PRLR: variants seen among roughly 807,000 people sequenced by gnomAD.
PRLR encodes the protein hPRL receptor.
PRLR carries 13 observed loss-of-function variants against 40.2 expected under a neutral mutation model. The observed-to-expected ratio is 0.32, with a 90% CI of 0.21 to 0.51. The LOEUF (loss-of-function observed/expected upper bound fraction) is 0.51, where lower values mean the gene tolerates loss of function less well. Ranked by LOEUF, PRLR falls within the 20% of genes least tolerant of loss-of-function variation. The probability of loss-of-function intolerance (pLI) is 0.97; values close to 1 mark genes in which losing one functional copy is unlikely to be tolerated. For synonymous variants in PRLR, 269 were observed against 278.7 expected (o/e 0.97, Z 0.35); for missense variants, 656 against 747.3 (o/e 0.88, Z 1.42).
In PRLR at chr5:35,150,928, C is replaced by T. The variant is rs530851427; in HGVS notation, c.-105-32806G>A. On this transcript the variant is annotated intron_variant, in intron 1 of 9. Coordinates refer to ENST00000618457, the MANE Select transcript of PRLR (RefSeq NM_000949.7). ...CTGCATTCCCTCCAGGAACAAGCTACTGATAGTTGCTAATAGTAGGCATAT... is the reference window on the plus strand; with the variant it reads ...CTGCATTCCCTCCAGGAACAAGCTATTGATAGTTGCTAATAGTAGGCATAT... Among the ~76,000 whole-genome samples the T allele has an allele frequency of 3.3e-5, 5 of 152,172 alleles. No individual in the cohort carries two copies. In the South Asian group the frequency reaches 1.0e-3, roughly 32 times the overall value.
chr5:35,228,238 A>G (rs36070957), intron 1 of PRLR, among the ~76,000 whole-genome samples: 15,854 of 130,984 alleles, frequency 0.12, 893 homozygotes, highest in Middle Eastern at 0.19. Context: ...CATGCAAAAA[A>G]AAAAAAAAAA....
intron 2 of PRLR, among the ~76,000 whole-genome samples, chr5:35,106,024 T>C (rs1772223028): frequency 6.6e-6 from 1 of 152,214 alleles, no homozygotes; most frequent in Non-Finnish European, 1.5e-5. Flanking sequence ...TAACAGTGGA[T>C]CTCTTGGCAG....
chr5:35,160,687 A>G (rs1167282073), intron 1 of PRLR, among the ~76,000 whole-genome samples: 1 of 152,164 alleles, frequency 6.6e-6, no homozygotes, highest in Non-Finnish European at 1.5e-5. Flanking sequence ...GGTTTTTTGC[A>G]TGTCTGACAT....
chr5:35,222,722 G>A (rs1233561766), intron 1 of PRLR, among the ~76,000 whole-genome samples: 1 of 152,122 alleles, frequency 6.6e-6, no homozygotes, highest in African/African-American at 2.4e-5. Flanking sequence ...CTCACTTTGG[G>A]AGTTTAATAA....
chr5:35,224,383 G>T (rs1776501086), intron 1 of PRLR, among the ~76,000 whole-genome samples: 2 of 152,128 alleles, frequency 1.3e-5, no homozygotes, highest in South Asian at 2.1e-4. Context: ...TCAATTGGGT[G>T]TTCTCTCTCT....
intron 5 of PRLR, among the ~76,000 whole-genome samples, chr5:35,082,343 A>C (rs1388395010): frequency 6.6e-6 from 1 of 152,230 alleles, no homozygotes; most frequent in Non-Finnish European, 1.5e-5. Context: ...TTCTGATAAA[A>C]AATTATACAA....
At chr5:35,200,380 C>T (rs1231777380) in intron 1 of PRLR, among the ~76,000 whole-genome samples, 1 of 152,196 alleles carries the variant, frequency 6.6e-6, no homozygotes, top group Non-Finnish European at 1.5e-5. Context: ...AGTTGCTAGT[C>T]ACTCTCAGAA....
Position 35,065,379 on chromosome 5 carries a change from GT to G in PRLR, c.1578del (p.Lys526AsnfsTer107). 6.2e-7 allele frequency: 1 copy of G among 1,614,144 alleles called. No individual in the cohort carries two copies. The highest frequency in any genetic ancestry group is 8.5e-7 in the Non-Finnish European group (1 of 1,180,030). ...TTGGGCTTGCCGCTGTTCTCTCTCT[GT>G]TTTGGTAGCAATGATAATGCACCAT... ...NKDGALSLLP[K>X]QRENSGKPKK... On this transcript the variant is annotated frameshift_variant, in exon 10 of 10. Coordinates refer to ENST00000618457, the MANE Select transcript of PRLR (RefSeq NM_000949.7). LOFTEE classifies it low-confidence loss of function (END_TRUNC).
In PRLR at chr5:35,188,989, G is replaced by T. The variant is rs549959180; in HGVS notation, c.-106+41279C>A. ...GAACGTGGTGTTTTTTGGAAGTAGG[G>T]TTATTGCAGATATAATTAGTTGAGA... On this transcript the variant is annotated intron_variant, in intron 1 of 9. Transcript: ENST00000618457. Among the ~76,000 whole-genome samples, 142 of 152,268 alleles carry T rather than the reference G, an allele frequency of 9.3e-4. 1 individual carries two copies. Among genetic ancestry groups the T allele is most frequent in the Non-Finnish European group, 1.2e-3 (85 of 68,020 alleles).
At chr5:35,180,598 T>A (rs868047832) in intron 1 of PRLR, among the ~76,000 whole-genome samples, 3 of 152,230 alleles carry the variant, frequency 2.0e-5, no homozygotes, top group South Asian at 2.1e-4. Flanking sequence ...CTTTTTTTTT[T>A]ATTATACTTT....
rs192471016 is a variant in PRLR, at chr5:35,180,963, C to T, written c.-106+49305G>A. On this transcript the variant is annotated intron_variant, in intron 1 of 9. Coordinates refer to ENST00000618457, the MANE Select transcript of PRLR (RefSeq NM_000949.7). ...AGGATGGCCTAATACAGGTATGGAT[C>T]TCCTACCTTCTCAATTCAAGATTGA... Among the ~76,000 whole-genome samples, 45 of 152,296 alleles carry T rather than the reference C, an allele frequency of 3.0e-4. 1 individual carries two copies. Among genetic ancestry groups the T allele is most frequent in the Middle Eastern group, 6.8e-3 (2 of 294 alleles).
rs1447069970 is a variant in PRLR at position 35,057,801 on chromosome 5, T to C, written c.*7288A>G. ...ATAACTACATATAGAAATGAGTTTT[T>C]AAAATCAAAATAAGATAATTTCTGG... On this transcript the variant is annotated 3_prime_UTR_variant, in exon 10 of 10. Transcript: ENST00000618457. 1 of 152,184 alleles carries C rather than the reference T, an allele frequency of 6.6e-6. No homozygotes were observed. Among genetic ancestry groups the C allele is most frequent in the Non-Finnish European group, 1.5e-5 (1 of 68,010 alleles). The allele number at this position is 152,184 out of a possible 1,614,324, so 9.4% of individuals were successfully genotyped here. A position where few individuals can be genotyped will look rare whatever the true frequency, so the allele number is the denominator to read the frequency against.
rs544936476 is a variant in PRLR, at chr5:35,070,189, C to T, written c.620G>A (p.Arg207His). 14 of 1,614,108 alleles carry T rather than the reference C, an allele frequency of 8.7e-6. No homozygotes were observed. Among genetic ancestry groups the T allele is most frequent in the South Asian group, 3.3e-5 (3 of 91,068 alleles). ...CCAGTATCCATGGTCTGGTTTGCAG[C>T]GAACCTGGACAAGGTATTTCTGTCC... is the stretch of plus-strand genomic sequence containing the variant. ...HPGQKYLVQV[R>H]CKPDHGYWSA... Residue 207 changes from arginine (R) to histidine (H), a missense_variant, in exon 7 of 10, where the codon CGC becomes CAC. Physicochemically the swap from Arg to His is conservative, Grantham distance 29. Coordinates refer to ENST00000618457, the MANE Select transcript of PRLR (RefSeq NM_000949.7).
chr5:35,054,127 A>T (rs1338859699), downstream of PRLR, among the ~76,000 whole-genome samples: 2 of 152,240 alleles, frequency 1.3e-5, no homozygotes, highest in African/African-American at 2.4e-5. Flanking sequence ...ATGCTCATTG[A>T]ATTGTCAAAC....
intron 1 of PRLR, among the ~76,000 whole-genome samples, chr5:35,162,455 G>A (rs1464312400): frequency 6.6e-6 from 1 of 152,172 alleles, no homozygotes; most frequent in African/African-American, 2.4e-5. Flanking sequence ...TATGTACAAG[G>A]ATTTTCCATT....
At chr5:35,077,216 G>C (rs1022312048) in intron 5 of PRLR, among the ~76,000 whole-genome samples, 7 of 152,100 alleles carry the variant, frequency 4.6e-5, no homozygotes, top group African/African-American at 1.7e-4. Context: ...AAATGTAAAT[G>C]GGCTAAATGC....
chr5:35,181,900 T>G (rs1040442921), intron 1 of PRLR, among the ~76,000 whole-genome samples: 2 of 152,228 alleles, frequency 1.3e-5, no homozygotes, highest in African/African-American at 4.8e-5. Flanking sequence ...TTGGAGGTCT[T>G]CAACTGTTGT....
chr5:35,081,396 CT>C, intron 5 of PRLR: 1 of 210,130 alleles, frequency 4.8e-6, no homozygotes. Context: ...ATGGCATGGC[CT>C]TCCATGTCCC....
At chr5:35,158,576 C>A (rs1309941520) in intron 1 of PRLR, among the ~76,000 whole-genome samples, 1 of 152,100 alleles carries the variant, frequency 6.6e-6, no homozygotes, top group Non-Finnish European at 1.5e-5. Context: ...ACAGGCTTAC[C>A]TTGCCCAATG....
Sources: gnomAD v4.1 joint callset for allele counts (sites outside exome capture counted in the v4.1 genomes callset) on GRCh38, gnomAD v4.1.1 for gene constraint, MANE v1.5 for transcripts, NCBI Gene and HGNC (gene_info 2026-07-23, HGNC 2026-07-21) for gene names.